Variants in RBM26 observed in about 807,000 individuals in gnomAD.
The protein encoded by RBM26 is RNA-binding protein 26.
RBM26 carries 30 observed loss-of-function variants against 123.6 expected under a neutral mutation model. That is an observed-to-expected ratio of 0.24 (90% confidence interval 0.18 to 0.33). RBM26 has a LOEUF of 0.33. RBM26 is among the 10% of genes least tolerant of loss of function. The pLI is 1.00. For missense variants in RBM26, 947 were observed against 1,203.6 expected (o/e 0.79, Z 3.15); for synonymous variants, 400 against 404.4 (o/e 0.99, Z 0.13).
At chr13:79,317,122 T>C (rs2067221796), downstream of RBM26, among the ~76,000 whole-genome samples, 1 of 151,690 alleles carries the variant, frequency 6.6e-6, no homozygotes, top group Non-Finnish European at 1.5e-5. Context: ...AAGTTACAAT[T>C]GGAAAAAGGA....
intron 11 of RBM26, 75 bp from the exon 12 acceptor site, chr13:79,355,459 G>A: frequency 9.2e-7 from 1 of 1,086,070 alleles, no homozygotes; most frequent in Non-Finnish European, 1.4e-6. Context: ...TCCCCAGTAA[G>A]TGAAATACTG....
intron 13 of RBM26, 132 bp downstream of exon 13, chr13:79,354,307 G>T: frequency 4.4e-6 from 3 of 688,886 alleles, no homozygotes; most frequent in Non-Finnish European, 6.3e-6. Context: ...AACCTTATAG[G>T]TGGGGTTCAA....
chr13:79,364,525 A>G (rs990059339), intron 9 of RBM26, among the ~76,000 whole-genome samples: 3 of 152,170 alleles, frequency 2.0e-5, no homozygotes, highest in Admixed American at 6.5e-5. Context: ...AAAAAGATAT[A>G]TTTTTTGTTA....
intron 1 of RBM26, among the ~76,000 whole-genome samples, chr13:79,395,414 C>G (rs2078469029): frequency 6.6e-6 from 1 of 152,048 alleles, no homozygotes; most frequent in African/African-American, 2.4e-5. Context: ...AAATAACTCT[C>G]CTTCGCAGTC....
chr13:79,318,958 G>T lies in RBM26; in HGVS notation c.*1663C>A, dbSNP rs2067392561. On this transcript the variant is annotated 3_prime_UTR_variant, in exon 22 of 22. Transcript: ENST00000438737. ...ACATACAAGAGACTACATAAAAATA[G>T]ATCTTTGATTTAAATATATAAGTAA... 1 of 970,758 alleles carries T rather than the reference G, an allele frequency of 1.0e-6. No individual in the cohort carries two copies. The highest frequency in any genetic ancestry group is 1.2e-6 in the Non-Finnish European group (1 of 816,800). The allele number at this position is 970,758 out of a possible 1,614,324, so 60.1% of individuals were successfully genotyped here.
At chr13:79,350,471 A>G (rs2073065662) in intron 14 of RBM26, among the ~76,000 whole-genome samples, 1 of 152,194 alleles carries the variant, frequency 6.6e-6, no homozygotes, top group Non-Finnish European at 1.5e-5. Context: ...GCACTCAAAC[A>G]TAATTTATCA....
chr13:79,344,640 A>C, intron 15 of RBM26, 29 bp downstream of exon 15: 1 of 1,587,998 alleles, frequency 6.3e-7, no homozygotes, highest in Middle Eastern at 1.7e-4. Context: ...ATATGCAAAA[A>C]TTTTTTATAC....
intron 1 of RBM26, among the ~76,000 whole-genome samples, chr13:79,392,519 AATT>A (rs1452715259): frequency 1.4e-5 from 2 of 146,652 alleles, no homozygotes; most frequent in Non-Finnish European, 3.0e-5. Flanking sequence ...TTAGTTATAT[AATT>A]ATATGTTATA....
intron 3 of RBM26, among the ~76,000 whole-genome samples, chr13:79,373,469 TA>T (rs1271622876): frequency 1.9e-3 from 1 of 540 alleles, no homozygotes; most frequent in South Asian, 0.17. Flanking sequence ...ATATAATATG[TA>T]TAAATATACA....
chr13:79,392,135 CAAT>C (rs1280999844), intron 1 of RBM26, among the ~76,000 whole-genome samples: 12 of 54,398 alleles, frequency 2.2e-4, no homozygotes, highest in South Asian at 7.2e-4. Context: ...ATATATTATA[CAAT>C]AATACATAAT....
chr13:79,363,136 T>C (rs1459753743), intron 9 of RBM26, among the ~76,000 whole-genome samples: 3 of 152,172 alleles, frequency 2.0e-5, no homozygotes, highest in African/African-American at 7.2e-5. Context: ...TTTACATTAG[T>C]AATTTCAATG....
chr13:79,343,209 T>C (rs1410757906), intron 16 of RBM26, among the ~76,000 whole-genome samples: 1 of 151,870 alleles, frequency 6.6e-6, no homozygotes, highest in Non-Finnish European at 1.5e-5. Context: ...ATTCCCACTA[T>C]CAATGTCATC....
At chr13:79,393,375 A>T (rs2140433941) in intron 1 of RBM26, among the ~76,000 whole-genome samples, 1 of 152,290 alleles carries the variant, frequency 6.6e-6, no homozygotes, top group South Asian at 2.1e-4. Context: ...ACTTCCTTTC[A>T]TTCTTGCTGT....
intron 1 of RBM26, among the ~76,000 whole-genome samples, chr13:79,388,918 T>C (rs1486672639): frequency 6.6e-6 from 1 of 152,190 alleles, no homozygotes; most frequent in African/African-American, 2.4e-5. Flanking sequence ...AAAGTACCTG[T>C]TATTGCATTT....
intron 20 of RBM26, among the ~76,000 whole-genome samples, chr13:79,329,349 GTA>G (rs1308497912): frequency 6.6e-6 from 1 of 151,528 alleles, no homozygotes; most frequent in Non-Finnish European, 1.5e-5. Context: ...ATATATATAT[GTA>G]TGTTTTTTTT....
At chr13:79,364,335 G>A (rs1255031247) in intron 9 of RBM26, among the ~76,000 whole-genome samples, 2 of 152,026 alleles carry the variant, frequency 1.3e-5, no homozygotes, top group Non-Finnish European at 2.9e-5. Flanking sequence ...ATGAATAAAA[G>A]AAAAAACACA....
intron 14 of RBM26, among the ~76,000 whole-genome samples, chr13:79,346,169 G>A (rs890331920): frequency 1.3e-5 from 2 of 152,154 alleles, no homozygotes; most frequent in African/African-American, 4.8e-5. Flanking sequence ...CTGGTTAACA[G>A]GTAAGTAGCA....
intron 1 of RBM26, among the ~76,000 whole-genome samples, chr13:79,380,380 G>A (rs1167306275): frequency 6.6e-6 from 1 of 151,958 alleles, no homozygotes; most frequent in African/African-American, 2.4e-5. Context: ...TGTGTTGGGG[G>A]AGAAGAGAGA....
rs545407041 is a variant in RBM26 at position 79,343,188 on chromosome 13, C to T, written c.2260-357G>A. ...CTTTCTAATCCATTTGTTGATGTTACGCCTCTAAGTATTCCCACTATCAAT... is the reference window on the plus strand; with the variant it reads ...CTTTCTAATCCATTTGTTGATGTTATGCCTCTAAGTATTCCCACTATCAAT... On this transcript the variant is annotated intron_variant, in intron 16 of 21. Transcript: ENST00000438737. 4.0e-5 allele frequency among the ~76,000 whole-genome samples: 6 copies of T among 151,890 alleles called. No homozygotes were observed. In the South Asian group the frequency reaches 6.2e-4, roughly 16 times the overall value.
Sources: allele counts gnomAD v4.1 joint callset (sites outside exome capture counted in the v4.1 genomes callset), GRCh38; gene constraint gnomAD v4.1.1; transcripts MANE v1.5; gene names NCBI Gene and HGNC (gene_info 2026-07-23, HGNC 2026-07-21).